Variants in ADGRB3 observed in about 807,000 individuals in gnomAD.
The protein encoded by ADGRB3 is brain-specific angiogenesis inhibitor 3.
In ADGRB3, 37 loss-of-function variants were observed where a neutral mutation model predicts 193.4. The observed-to-expected ratio is 0.19, with a 90% confidence interval of 0.15 to 0.25. The LOEUF is 0.25. ADGRB3 is among the 10% of genes least tolerant of loss of function. The pLI is 1.00. For missense variants in ADGRB3, 1,637 were observed against 1,852.9 expected, an observed-to-expected ratio of 0.88 and a Z score of 2.14; for synonymous variants, 690 against 644.2, an observed-to-expected ratio of 1.07 and a Z score of -1.08.
intron 4 of ADGRB3, among the ~76,000 whole-genome samples, chr6:68,932,913 C>T (rs866145163): frequency 1.6e-4 from 24 of 149,530 alleles, no homozygotes; most frequent in Admixed American, 9.4e-4. Context: ...CTGGCCTCTT[C>T]AATCAATATG....
intron 3 of ADGRB3, among the ~76,000 whole-genome samples, chr6:68,875,167 T>C (rs796670132): frequency 5.4e-5 from 5 of 92,330 alleles, no homozygotes; most frequent in African/African-American, 1.7e-4. Context: ...CTTCCTTCCT[T>C]CCTTCCTTCC....
chr6:69,284,965 A>T (rs887104432), intron 20 of ADGRB3, among the ~76,000 whole-genome samples: 17 of 152,346 alleles, frequency 1.1e-4, no homozygotes, highest in African/African-American at 3.6e-4. Flanking sequence ...AGAAAAAAGC[A>T]TTAGGAATAC....
At chr6:68,826,253 G>T (rs1348930805) in intron 3 of ADGRB3, among the ~76,000 whole-genome samples, 1 of 152,168 alleles carries the variant, frequency 6.6e-6, no homozygotes, top group African/African-American at 2.4e-5. Context: ...ATAAGGAAAA[G>T]AGTATAGAGA....
At chr6:68,718,525 G>A (rs1175293957) in intron 3 of ADGRB3, among the ~76,000 whole-genome samples, 3 of 151,638 alleles carry the variant, frequency 2.0e-5, no homozygotes, top group Non-Finnish European at 4.4e-5. Context: ...ATGTTGTTAC[G>A]CCTTTTGTAT....
chr6:68,819,597 A>G (rs1767709471), intron 3 of ADGRB3, among the ~76,000 whole-genome samples: 1 of 151,958 alleles, frequency 6.6e-6, no homozygotes, highest in African/African-American at 2.4e-5. Flanking sequence ...GCTGCGGAGT[A>G]TTTCTTCCTG....
intron 14 of ADGRB3, among the ~76,000 whole-genome samples, 181 bp from the exon 15 acceptor site, chr6:69,049,090 A>G (rs9342739): frequency 0.032 from 4,833 of 152,252 alleles, 142 homozygotes; most frequent in East Asian, 0.098. Context: ...ATGCAAAACT[A>G]TAGAAAACAC....
At chr6:69,052,920 T>G (rs1771441505) in intron 15 of ADGRB3, among the ~76,000 whole-genome samples, 2 of 152,216 alleles carry the variant, frequency 1.3e-5, no homozygotes, top group African/African-American at 4.8e-5. Flanking sequence ...GCATGGTGGC[T>G]CACGCCTGTA....
intron 3 of ADGRB3, among the ~76,000 whole-genome samples, chr6:68,769,232 A>G (rs933088129): frequency 6.6e-6 from 1 of 152,232 alleles, no homozygotes; most frequent in Non-Finnish European, 1.5e-5. Context: ...ATAAAGACAT[A>G]TGCACATGTG....
At chr6:68,880,063 C>T (rs148914411) in intron 3 of ADGRB3, among the ~76,000 whole-genome samples, 274 of 152,134 alleles carry the variant, frequency 1.8e-3, no homozygotes, top group African/African-American at 6.5e-3. Context: ...ATAATAATAG[C>T]GAGACATGGT....
At position 69,361,209 on chromosome 6, in the gene ADGRB3, C is replaced by G; in HGVS notation, c.3936C>G (p.Pro1312=). 1.2e-6 allele frequency: 2 copies of G among 1,612,562 alleles called. No individual in the cohort carries two copies. The highest frequency in any genetic ancestry group is 8.5e-7 in the Non-Finnish European group (1 of 1,179,254). Residue 1312 remains proline, a synonymous_variant, in exon 29 of 32, where the codon CCC becomes CCG. Transcript: ENST00000370598. ...RMMESDYIVM[P]RSSVNNQPSM... ...TGGAAAGTGACTATATTGTGATGCC[C>G]AGAAGTTCTGTAAATAACCAGCCTT...
At chr6:68,977,034 A>G (rs1768771055) in intron 10 of ADGRB3, among the ~76,000 whole-genome samples, 1 of 148,888 alleles carries the variant, frequency 6.7e-6, no homozygotes, top group Admixed American at 6.7e-5. Flanking sequence ...AAATTCAAAA[A>G]TAGAAATATA....
intron 13 of ADGRB3, among the ~76,000 whole-genome samples, chr6:69,031,986 C>T (rs1770725159): frequency 6.6e-6 from 1 of 152,150 alleles, no homozygotes; most frequent in Non-Finnish European, 1.5e-5. Context: ...TTTTTGATGA[C>T]CTGTGTGCCC....
intron 20 of ADGRB3, among the ~76,000 whole-genome samples, chr6:69,288,139 C>A (rs567683082): frequency 6.6e-6 from 1 of 152,104 alleles, no homozygotes; most frequent in South Asian, 2.1e-4. Context: ...TGGTGGTTTG[C>A]TTTACCCATC....
chr6:69,359,157 A>C (rs1381350370), intron 28 of ADGRB3, among the ~76,000 whole-genome samples: 1 of 151,678 alleles, frequency 6.6e-6, no homozygotes, highest in African/African-American at 2.4e-5. Context: ...TACTGCTATA[A>C]ATTTTGGAAT....
At chr6:68,855,186 T>A (rs1316838407) in intron 3 of ADGRB3, among the ~76,000 whole-genome samples, 1 of 152,220 alleles carries the variant, frequency 6.6e-6, no homozygotes, top group Non-Finnish European at 1.5e-5. Context: ...TCTTAGTAGA[T>A]ATCAACTCCA....
At chr6:69,124,931 A>G (rs1226614395) in intron 17 of ADGRB3, among the ~76,000 whole-genome samples, 2 of 150,480 alleles carry the variant, frequency 1.3e-5, no homozygotes, top group Non-Finnish European at 2.9e-5. Context: ...TTGTCATTCC[A>G]TATTTATGGA....
chr6:68,850,247 C>T (rs491928), intron 3 of ADGRB3, among the ~76,000 whole-genome samples: 72,035 of 151,542 alleles, frequency 0.48, 17,784 homozygotes, highest in East Asian at 0.6. Flanking sequence ...ATTGGACATA[C>T]TTGATGCTCA....
chr6:68,863,133 A>T (rs970532445), intron 3 of ADGRB3, among the ~76,000 whole-genome samples: 1 of 152,150 alleles, frequency 6.6e-6, no homozygotes, highest in African/African-American at 2.4e-5. Flanking sequence ...CCACTTATCT[A>T]AATGTTCTCA....
chr6:69,276,950 G>T (rs1767315028), intron 20 of ADGRB3, among the ~76,000 whole-genome samples: 1 of 148,854 alleles, frequency 6.7e-6, no homozygotes, highest in African/African-American at 2.5e-5. Flanking sequence ...CCATAAAATG[G>T]TTTTTAAAAA....
Sources: allele counts gnomAD v4.1 joint callset (sites outside exome capture counted in the v4.1 genomes callset), GRCh38; gene constraint gnomAD v4.1.1; transcripts MANE v1.5; gene names NCBI Gene and HGNC (gene_info 2026-07-23, HGNC 2026-07-21).